EPHA6: variants seen among roughly 807,000 people sequenced by gnomAD.
The protein encoded by EPHA6 is EPH receptor A6.
Under a neutral mutation model 112.0 loss-of-function variants are expected in EPHA6, and 50 were observed. That is an observed-to-expected ratio of 0.45 (90% CI 0.36 to 0.56). The LOEUF is 0.56. Among genes scored for constraint, EPHA6 ranks in the 20% least tolerant of loss-of-function variants. The pLI is 0.00. For synonymous variants in EPHA6, 529 were observed against 490.7 expected (o/e 1.08, Z -1.03); for missense variants, 1,280 against 1,417.4 (o/e 0.90, Z 1.56).
intron 3 of EPHA6, among the ~76,000 whole-genome samples, chr3:97,127,160 T>C (rs1202368687): frequency 6.6e-6 from 1 of 152,176 alleles, no homozygotes; most frequent in Non-Finnish European, 1.5e-5. Context: ...TGTGTATTTT[T>C]AAGGTAGGTT....
chr3:97,101,544 G>T (rs139919244), intron 3 of EPHA6, among the ~76,000 whole-genome samples: 2 of 152,014 alleles, frequency 1.3e-5, no homozygotes, highest in African/African-American at 2.4e-5. Flanking sequence ...CCCATTTGGA[G>T]TTCCTGTTCA....
At chr3:97,663,313 G>T (rs1016044135) in intron 14 of EPHA6, among the ~76,000 whole-genome samples, 12 of 151,620 alleles carry the variant, frequency 7.9e-5, no homozygotes, top group Admixed American at 2.6e-4. Context: ...TTTTTGTGGA[G>T]CCTTTTTTTT....
At chr3:97,190,905 G>A (rs1322865058) in intron 3 of EPHA6, among the ~76,000 whole-genome samples, 1 of 152,066 alleles carries the variant, frequency 6.6e-6, no homozygotes, top group African/African-American at 2.4e-5. Context: ...AGTGTGTAAT[G>A]TATTGCAAAA....
chr3:97,564,126 A>T (rs187655744), intron 11 of EPHA6, among the ~76,000 whole-genome samples: 1 of 152,252 alleles, frequency 6.6e-6, no homozygotes, highest in Admixed American at 6.5e-5. Flanking sequence ...AATTAATAAA[A>T]CTAATAAGAC....
At chr3:97,675,248 G>T (rs915951694) in intron 14 of EPHA6, among the ~76,000 whole-genome samples, 11 of 152,178 alleles carry the variant, frequency 7.2e-5, no homozygotes, top group Non-Finnish European at 1.2e-4. Context: ...GGAGGCTGAG[G>T]CAGGTGGATC....
At chr3:96,937,994 T>C (rs2040698872) in intron 2 of EPHA6, among the ~76,000 whole-genome samples, 1 of 152,216 alleles carries the variant, frequency 6.6e-6, no homozygotes, top group Non-Finnish European at 1.5e-5. Flanking sequence ...AGTACCATGC[T>C]GTTTTGGTTA....
chr3:97,124,765 A>G (rs1349634548), intron 3 of EPHA6, among the ~76,000 whole-genome samples: 1 of 152,148 alleles, frequency 6.6e-6, no homozygotes, highest in Admixed American at 6.6e-5. Flanking sequence ...TCATCTTGGC[A>G]AGACAAATGC....
intron 13 of EPHA6, among the ~76,000 whole-genome samples, chr3:97,636,285 A>G (rs141072883): frequency 6.6e-6 from 1 of 152,268 alleles, no homozygotes; most frequent in Non-Finnish European, 1.5e-5. Context: ...AAGAACTTAT[A>G]CTTTCAATTC....
intron 5 of EPHA6, among the ~76,000 whole-genome samples, chr3:97,355,493 G>C (rs1210251566): frequency 6.6e-6 from 1 of 151,880 alleles, no homozygotes; most frequent in African/African-American, 2.4e-5. Context: ...TTATTTGCAA[G>C]CCTCATGATA....
chr3:97,575,184 C>G (rs1337961117), intron 11 of EPHA6, among the ~76,000 whole-genome samples: 1 of 151,964 alleles, frequency 6.6e-6, no homozygotes, highest in Non-Finnish European at 1.5e-5. Flanking sequence ...ACTTGTGGTA[C>G]ACTATTTGGA....
intron 2 of EPHA6, among the ~76,000 whole-genome samples, chr3:96,913,213 C>A (rs1414179031): frequency 1.8e-5 from 2 of 111,748 alleles, no homozygotes; most frequent in Non-Finnish European, 3.6e-5. Flanking sequence ...CACACACACA[C>A]CACACACACG....
chr3:96,847,952 A>G (rs1377585401), intron 1 of EPHA6, among the ~76,000 whole-genome samples: 4 of 152,124 alleles, frequency 2.6e-5, no homozygotes, highest in African/African-American at 9.7e-5. Context: ...CATGTTTTAT[A>G]ACGTTCACAG....
At chr3:96,908,006 A>T (rs1172630743) in intron 2 of EPHA6, among the ~76,000 whole-genome samples, 3 of 151,994 alleles carry the variant, frequency 2.0e-5, no homozygotes, top group African/African-American at 7.2e-5. Flanking sequence ...CCTGGTACAC[A>T]TCTAGGCTAT....
chr3:97,327,595 G>A (rs559488247), intron 5 of EPHA6, among the ~76,000 whole-genome samples: 41 of 151,790 alleles, frequency 2.7e-4, no homozygotes, highest in African/African-American at 9.7e-4. Context: ...ATCCCCCCAC[G>A]TTGCTTTTTA....
intron 3 of EPHA6, among the ~76,000 whole-genome samples, chr3:97,096,061 A>G (rs894424437): frequency 6.6e-6 from 1 of 152,008 alleles, no homozygotes; most frequent in Non-Finnish European, 1.5e-5. Context: ...AGGACCTAAT[A>G]TGAAATTCAT....
rs1209369155 is a variant in EPHA6 at position 97,187,739 on chromosome 3, AAGAAAG to A, written c.1115-38522_1115-38517del. Among the ~76,000 whole-genome samples the A allele has an allele frequency of 4.0e-3, 587 of 148,370 alleles. 4 individuals carry two copies. The highest frequency in any genetic ancestry group is 6.0e-3 in the Non-Finnish European group (399 of 66,710). On this transcript the variant is annotated intron_variant, in intron 3 of 17. Transcript: ENST00000389672. ...AAAGAAAGAAAGAAAGAAAGAAAGA[AAGAAAG>A]AGGAAAGAAAGAAAGAAAAATGCCA...
intron 5 of EPHA6, among the ~76,000 whole-genome samples, chr3:97,309,836 C>T (rs1217980792): frequency 6.6e-6 from 1 of 151,524 alleles, no homozygotes; most frequent in African/African-American, 2.4e-5. Context: ...TTAGTAACCA[C>T]CTTTGTAATT....
intron 15 of EPHA6, among the ~76,000 whole-genome samples, chr3:97,725,330 A>T (rs2107810578): frequency 6.6e-6 from 1 of 152,168 alleles, no homozygotes; most frequent in East Asian, 1.9e-4. Context: ...AACAAAAACC[A>T]TGCCAGGGAA....
chr3:97,510,499 T>C (rs2092344320), intron 10 of EPHA6, among the ~76,000 whole-genome samples: 1 of 152,198 alleles, frequency 6.6e-6, no homozygotes, highest in East Asian at 1.9e-4. Context: ...CCTGTTTGCC[T>C]GAGTATCACC....
Sources: allele counts gnomAD v4.1 joint callset (sites outside exome capture counted in the v4.1 genomes callset), GRCh38; gene constraint gnomAD v4.1.1; transcripts MANE v1.5; gene names NCBI Gene and HGNC (gene_info 2026-07-23, HGNC 2026-07-21).